NVL: variants seen among roughly 807,000 people sequenced by gnomAD.
NVL encodes the protein nuclear VCP like.
NVL carries 84 observed loss-of-function variants against 110.2 expected under a neutral mutation model. The ratio of observed to expected loss-of-function variants is 0.76; its 90% CI spans 0.64 to 0.91. The LOEUF (loss-of-function observed/expected upper bound fraction) is 0.91. NVL is among the 40% of genes least tolerant of loss of function. The pLI, the probability that NVL is intolerant of heterozygous loss-of-function variation, is 0.00. For synonymous variants in NVL, 354 were observed against 361.1 expected (o/e 0.98, Z 0.22); for missense variants, 882 against 1,035.9 (o/e 0.85, Z 2.04).
At chr1:224,290,390 C>G (rs1667251785) in intron 12 of NVL, among the ~76,000 whole-genome samples, 1 of 152,204 alleles carries the variant, frequency 6.6e-6, no homozygotes. Context: ...GGTGCGGTGG[C>G]TCACACCTGC....
chr1:224,329,991 T>C (rs948173229), intron 1 of NVL, 80 bp downstream of exon 1: 1 of 1,386,088 alleles, frequency 7.2e-7, no homozygotes, highest in South Asian at 1.2e-5. Flanking sequence ...TCCACCTGGA[T>C]GCCACCCGAC....
chr1:224,299,086 C>T (rs187597005), intron 10 of NVL, among the ~76,000 whole-genome samples: 25 of 152,246 alleles, frequency 1.6e-4, no homozygotes, highest in African/African-American at 6.0e-4. Context: ...CTGTCAGCGT[C>T]GCTTAAGGCA....
intron 15 of NVL, among the ~76,000 whole-genome samples, chr1:224,283,024 A>G (rs545545075): frequency 4.5e-4 from 69 of 152,344 alleles, no homozygotes; most frequent in Admixed American, 2.3e-3. Flanking sequence ...ATTCTTGGGC[A>G]CATAGTCTTG....
chr1:224,317,463 G>A (rs556851319), intron 4 of NVL, among the ~76,000 whole-genome samples: 8 of 152,192 alleles, frequency 5.3e-5, no homozygotes, highest in Non-Finnish European at 1.2e-4. Flanking sequence ...CTGTGTGGGA[G>A]TTTGTGAAAG....
chr1:224,316,230 C>T (rs1297909524), intron 4 of NVL, among the ~76,000 whole-genome samples: 1 of 152,040 alleles, frequency 6.6e-6, no homozygotes, highest in Admixed American at 6.5e-5. Flanking sequence ...CATGTCCATA[C>T]ATACTTATCA....
chr1:224,264,016 AAAACAAACAAAC>A (rs765980682), intron 18 of NVL, among the ~76,000 whole-genome samples: 1 of 152,078 alleles, frequency 6.6e-6, no homozygotes, highest in Non-Finnish European at 1.5e-5. Flanking sequence ...TTCCGTCTCA[AAAACAAACAAAC>A]AAACAAACAA....
Position 224,289,558 on chromosome 1 carries a change from G to A in NVL, c.1501C>T (p.Pro501Ser). 1 of 1,614,194 alleles carries A rather than the reference G, an allele frequency of 6.2e-7. No individual in the cohort carries two copies. Among genetic ancestry groups the A allele is most frequent in the Non-Finnish European group, 8.5e-7 (1 of 1,180,042 alleles). ...MKLQEQQKKN[P>S]EMEDLPSKGV... ...TTAGATGGCAAATCTTCCATTTCAG[G>A]ATTTTTCTTCTGCTGTTCCTGTAGC... Residue 501 changes from proline to serine, a missense_variant, in exon 13 of 23, where the codon CCT becomes TCT. Pro to Ser is a moderately conservative substitution (Grantham distance 74). Around this residue, in one of 4 missense-constraint regions of NVL, gnomAD observed 416 missense variants for 499.3 expected, o/e 0.83. Transcript: ENST00000281701.
intron 4 of NVL, among the ~76,000 whole-genome samples, chr1:224,315,114 GGCATAATTATAGCTCATTGTAAC>G (rs1669945372): frequency 6.6e-6 from 1 of 151,592 alleles, no homozygotes; most frequent in Non-Finnish European, 1.5e-5. Context: ...GGAGTGCAGT[GGCATAATTATAGCTCATTGTAAC>G]CTTCAACTCT....
intron 6 of NVL, 131 bp from the exon 7 acceptor site, chr1:224,305,297 C>T (rs776291668): frequency 3.3e-5 from 28 of 859,646 alleles, no homozygotes; most frequent in African/African-American, 8.5e-5. Context: ...TAACTATTCC[C>T]AATCTCTTTG....
chr1:224,284,382 GTT>G (rs900404173), intron 15 of NVL, among the ~76,000 whole-genome samples: 1 of 147,392 alleles, frequency 6.8e-6, no homozygotes. Flanking sequence ...AAAAAAACTA[GTT>G]TTTTTTTTTG....
rs1664676176 is a variant in NVL, at chr1:224,268,073, G to A, written c.2143C>T (p.Arg715Cys). The A allele has an allele frequency of 1.9e-6, 3 of 1,613,782 alleles. No individual in the cohort carries two copies. Among genetic ancestry groups the A allele is most frequent in the Admixed American group, 3.3e-5 (2 of 59,976 alleles). Reference protein sequence around the residue: ...LLTEMDGLEARQQVFIMAATN... With the variant: ...LLTEMDGLEACQQVFIMAATN... The stretch of plus-strand genomic sequence containing the variant: ...GCTGCCATAATAAAAACCTGCTGGC[G>A]TGCTTCCAGACCATCCATCTCTGTA... The change falls in exon 18 of 23, where the codon CGC becomes TGC. Residue 715 changes from arginine (R) to cysteine (C), a missense_variant. Arg to Cys is a radical substitution (Grantham distance 180). Around this residue, in one of 4 missense-constraint regions of NVL, gnomAD observed 66 missense variants for 127.5 expected, o/e 0.52. Transcript: ENST00000281701.
At position 224,227,645 on chromosome 1, in the gene NVL, T is replaced by C. The variant is rs762013255; in HGVS notation, c.2552A>G (p.Gln851Arg). Residue 851 changes from glutamine to arginine, a missense_variant, in exon 23 of 23, where the codon CAG (glutamine) becomes CGG (arginine). Around this residue, in one of 4 missense-constraint regions of NVL, gnomAD observed 126 missense variants for 140.7 expected, o/e 0.90. Transcript: ENST00000281701. The part of the protein sequence containing the change: ...KKDQIMYERL[Q>R]ESLSR The stretch of plus-strand genomic sequence containing the variant: ...GAGACATCACCGGCTGAGGGACTCC[T>C]GCAAACGTTCATACATGATTTGATC... 1.2e-6 allele frequency: 2 copies of C among 1,611,858 alleles called. No individual in the cohort carries two copies. Among genetic ancestry groups the C allele is most frequent in the Admixed American group, 1.7e-5 (1 of 59,894 alleles).
chr1:224,256,539 T>C (rs1380418158), intron 18 of NVL, among the ~76,000 whole-genome samples: 4 of 152,114 alleles, frequency 2.6e-5, no homozygotes, highest in East Asian at 1.9e-4. Flanking sequence ...TAAAGCATTC[T>C]TAGTTTGGGA....
intron 12 of NVL, among the ~76,000 whole-genome samples, chr1:224,291,269 G>C (rs902797550): frequency 6.6e-6 from 1 of 152,088 alleles, no homozygotes; most frequent in African/African-American, 2.4e-5. Context: ...GCAATGGCAC[G>C]ATCTCGGCTC....
chr1:224,230,905 G>A (rs895562522), intron 22 of NVL, among the ~76,000 whole-genome samples: 1 of 151,988 alleles, frequency 6.6e-6, no homozygotes. Context: ...AGGCAGAGAC[G>A]GGCGGATCAC....
At chr1:224,244,552 A>ATCCCTG (rs1661585108) in intron 19 of NVL, among the ~76,000 whole-genome samples, 4 of 149,516 alleles carry the variant, frequency 2.7e-5, no homozygotes, top group Non-Finnish European at 5.9e-5. Flanking sequence ...GCTCACTGCA[A>ATCCCTG]CCTCCACCTC....
chr1:224,319,463 A>G (rs1273103016), intron 2 of NVL, among the ~76,000 whole-genome samples: 5 of 151,804 alleles, frequency 3.3e-5, no homozygotes, highest in Non-Finnish European at 5.9e-5. Context: ...GCCTGCCACC[A>G]CACCCGGCTA....
At chr1:224,318,554 A>G (rs1670314555) in intron 2 of NVL, among the ~76,000 whole-genome samples, 1 of 151,772 alleles carries the variant, frequency 6.6e-6, no homozygotes, top group South Asian at 2.1e-4. Context: ...GTGAGCCGTG[A>G]TTGCGCCAAT....
intron 6 of NVL, 80 bp downstream of exon 6, chr1:224,307,911 T>A (rs1669094034): frequency 1.5e-6 from 2 of 1,347,772 alleles, no homozygotes; most frequent in South Asian, 3.3e-5. Flanking sequence ...AAAACACAAG[T>A]ATCTGATTGA....
Sources: allele counts gnomAD v4.1 joint callset (sites outside exome capture counted in the v4.1 genomes callset), GRCh38; gene constraint gnomAD v4.1.1; regional missense constraint gnomAD v4.1.1; transcripts MANE v1.5; gene names NCBI Gene and HGNC (gene_info 2026-07-23, HGNC 2026-07-21).